The following ASIC2 variants were observed in gnomAD, a reference collection of about 807,000 sequenced individuals.
The protein encoded by ASIC2 is acid sensing ion channel subunit 2.
ASIC2 carries 25 observed loss-of-function variants against 57.3 expected under a neutral mutation model. That is an observed-to-expected ratio of 0.44 (90% CI 0.32 to 0.61). ASIC2 has a LOEUF of 0.61. Among genes scored for constraint, ASIC2 ranks in the 20% least tolerant of loss-of-function variants. The probability of loss-of-function intolerance (pLI) is 0.06; values close to 1 mark genes in which losing one functional copy is unlikely to be tolerated. For missense variants in ASIC2, 641 were observed against 738.1 expected (o/e 0.87, Z 1.52); for synonymous variants, 319 against 307.5 (o/e 1.04, Z -0.39).
intron 1 of ASIC2, among the ~76,000 whole-genome samples, chr17:33,449,687 T>C (rs567235587): frequency 4.3e-4 from 65 of 152,332 alleles, no homozygotes; most frequent in African/African-American, 1.5e-3. Flanking sequence ...TAAAGCGTTA[T>C]AGACCTTCTT....
intron 1 of ASIC2, among the ~76,000 whole-genome samples, chr17:33,765,181 C>T (rs1292599111): frequency 6.6e-6 from 1 of 152,248 alleles, no homozygotes; most frequent in African/African-American, 2.4e-5. Flanking sequence ...TCTTGGCTCA[C>T]TGCAAGCTCC....
At chr17:33,327,301 T>C (rs1335773825) in intron 1 of ASIC2, among the ~76,000 whole-genome samples, 2 of 152,204 alleles carry the variant, frequency 1.3e-5, no homozygotes, top group East Asian at 3.9e-4. Context: ...TCTTCCTCCA[T>C]TGATTCTCAA....
intron 1 of ASIC2, among the ~76,000 whole-genome samples, chr17:33,853,521 G>A (rs1246482658): frequency 1.3e-5 from 2 of 152,168 alleles, no homozygotes; most frequent in Non-Finnish European, 2.9e-5. Flanking sequence ...GTCTCTAAGC[G>A]ACAACTCCAG....
chr17:33,852,490 T>A (rs941403656), intron 1 of ASIC2, among the ~76,000 whole-genome samples: 2 of 152,124 alleles, frequency 1.3e-5, no homozygotes, highest in African/African-American at 4.8e-5. Context: ...TATGATGGAT[T>A]TTACATGTGT....
At chr17:33,179,823 C>A (rs1905906352) in intron 1 of ASIC2, among the ~76,000 whole-genome samples, 1 of 152,210 alleles carries the variant, frequency 6.6e-6, no homozygotes, top group Non-Finnish European at 1.5e-5. Flanking sequence ...TCTAACGTAT[C>A]ATTGTGGGTC....
chr17:33,244,464 G>T (rs374424545), intron 1 of ASIC2, among the ~76,000 whole-genome samples: 9 of 152,318 alleles, frequency 5.9e-5, no homozygotes, highest in African/African-American at 1.7e-4. Context: ...TTAGCAAAGT[G>T]CCTAGAATAA....
chr17:33,719,195 T>A (rs1371198109), intron 1 of ASIC2, among the ~76,000 whole-genome samples: 2 of 152,176 alleles, frequency 1.3e-5, no homozygotes, highest in Non-Finnish European at 2.9e-5. Flanking sequence ...GATGATGGAT[T>A]GGCCCTCATG....
At chr17:33,673,133 T>C (rs1907690784) in intron 1 of ASIC2, among the ~76,000 whole-genome samples, 1 of 152,144 alleles carries the variant, frequency 6.6e-6, no homozygotes. Flanking sequence ...CTGTAGGGTT[T>C]GACAGGCTCA....
chr17:33,283,886 T>C (rs1345842854), intron 1 of ASIC2, among the ~76,000 whole-genome samples: 2 of 152,208 alleles, frequency 1.3e-5, no homozygotes, highest in Non-Finnish European at 2.9e-5. Context: ...AAGATCTTTT[T>C]GTGGGAACAA....
At chr17:33,752,313 C>G (rs1217524670) in intron 1 of ASIC2, among the ~76,000 whole-genome samples, 1 of 152,184 alleles carries the variant, frequency 6.6e-6, no homozygotes, top group Non-Finnish European at 1.5e-5. Flanking sequence ...CTTAGCACCA[C>G]TTCTTCTAAC....
rs904974653 is a variant in ASIC2 at position 33,683,573 on chromosome 17, G to T, written c.555+472405C>A. 2.6e-5 allele frequency among the ~76,000 whole-genome samples: 4 copies of T among 152,178 alleles called. No individual in the cohort carries two copies. The East Asian group carries it at 7.7e-4, about 29-fold the overall frequency. ...AAAAATCTTGTAGAGATAGGGTCTT[G>T]TTCTGTTGCCTAGGCTGGAGGACAG... On this transcript the variant is annotated intron_variant, in intron 1 of 9. Transcript: ENST00000359872.
At chr17:33,702,804 G>T (rs944644122) in intron 1 of ASIC2, among the ~76,000 whole-genome samples, 1 of 152,204 alleles carries the variant, frequency 6.6e-6, no homozygotes, top group African/African-American at 2.4e-5. Context: ...CCCTGGAAGT[G>T]AATCTAGGAG....
At chr17:34,077,398 G>C (rs1405493400) in intron 1 of ASIC2, among the ~76,000 whole-genome samples, 2 of 152,142 alleles carry the variant, frequency 1.3e-5, no homozygotes, top group African/African-American at 4.8e-5. Flanking sequence ...GAGAATGTTT[G>C]CCCACGTCAT....
At chr17:33,464,518 T>TTC (rs1274773012) in intron 1 of ASIC2, among the ~76,000 whole-genome samples, 2,146 of 38,788 alleles carry the variant, frequency 0.055, 28 homozygotes, top group African/African-American at 0.068. Context: ...CTTTCTTTCT[T>TTC]TCTTTCTTTC....
chr17:33,776,485 G>C (rs1048166919), intron 1 of ASIC2, among the ~76,000 whole-genome samples: 2 of 152,192 alleles, frequency 1.3e-5, no homozygotes, highest in African/African-American at 4.8e-5. Context: ...TCAGGAGTCC[G>C]AACAGACTAG....
At chr17:33,348,016 C>T (rs143683511) in intron 1 of ASIC2, among the ~76,000 whole-genome samples, 22 of 152,250 alleles carry the variant, frequency 1.4e-4, no homozygotes, top group African/African-American at 2.9e-4. Flanking sequence ...GTAGAAGAAT[C>T]GCTTGAACCC....
At chr17:33,319,873 A>G (rs1264741757) in intron 1 of ASIC2, among the ~76,000 whole-genome samples, 1 of 152,184 alleles carries the variant, frequency 6.6e-6, no homozygotes, top group African/African-American at 2.4e-5. Flanking sequence ...ATTATTGTTG[A>G]CTATAGTCAC....
In ASIC2 at chr17:34,056,275, G is replaced by A. The variant is rs374667089; in HGVS notation, c.555+99703C>T. On this transcript the variant is annotated intron_variant, in intron 1 of 9. Transcript: ENST00000359872. Reference sequence around the variant, plus strand: ...AGAGTAGACATTAAGCAGACACATGGAGCCTGCAGCTTGGGAAAGAGGCTG... The same window carrying A: ...AGAGTAGACATTAAGCAGACACATGAAGCCTGCAGCTTGGGAAAGAGGCTG... Among the ~76,000 whole-genome samples, 5 of 152,284 alleles carry A rather than the reference G, an allele frequency of 3.3e-5. No homozygotes were observed. In the East Asian group the frequency reaches 9.6e-4, roughly 29 times the overall value.
chr17:33,702,622 A>G (rs933578905), intron 1 of ASIC2, among the ~76,000 whole-genome samples: 4 of 152,220 alleles, frequency 2.6e-5, no homozygotes, highest in Non-Finnish European at 5.9e-5. Flanking sequence ...GGTGACCTAC[A>G]CAATGACAGC....
Sources: gnomAD v4.1 joint callset for allele counts (sites outside exome capture counted in the v4.1 genomes callset) on GRCh38, gnomAD v4.1.1 for gene constraint, MANE v1.5 for transcripts, NCBI Gene and HGNC (gene_info 2026-07-23, HGNC 2026-07-21) for gene names.